The following ROCK1 variants were observed in gnomAD, a reference collection of about 807,000 sequenced individuals.
ROCK1 encodes Rho associated coiled-coil containing protein kinase 1.
In ROCK1, 36 loss-of-function variants were observed where a neutral mutation model predicts 196.8. The ratio of observed to expected loss-of-function variants is 0.18; its 90% confidence interval spans 0.14 to 0.24. The LOEUF (loss-of-function observed/expected upper bound fraction) is 0.24, where lower values mean the gene tolerates loss of function less well. Ranked by LOEUF, ROCK1 falls within the 10% of genes least tolerant of loss-of-function variation. The probability of loss-of-function intolerance (pLI) is 1.00; values close to 1 mark genes in which losing one functional copy is unlikely to be tolerated. For missense variants in ROCK1, 920 were observed against 1,562.0 expected (o/e 0.59, Z 6.93); for synonymous variants, 443 against 515.9 (o/e 0.86, Z 1.91).
Position 21,008,053 on chromosome 18 carries a change from A to G in ROCK1, c.1546+6T>C, listed in dbSNP as rs752443722. On this transcript the variant is annotated splice_donor_region_variant and intron_variant, in intron 14 of 32. Coordinates refer to ENST00000399799, the MANE Select transcript of ROCK1 (RefSeq NM_005406.3). ...CTATCATTTTTCAAAAGTAGTGACA[A>G]TTTACCTTCATTTTCTACATTTCTT... 22 of 1,583,948 alleles carry G rather than the reference A, an allele frequency of 1.4e-5. No homozygotes were observed. In the Admixed American group the frequency reaches 4.0e-4, roughly 29 times the overall value.
At chr18:21,107,309 GACATAC>G (rs1489288935) in intron 1 of ROCK1, among the ~76,000 whole-genome samples, 1 of 152,108 alleles carries the variant, frequency 6.6e-6, no homozygotes, top group African/African-American at 2.4e-5. Context: ...AGTTTAAAAG[GACATAC>G]ACCAGCAAAT....
At chr18:21,045,498 AT>A in intron 4 of ROCK1, 31 bp from the exon 5 acceptor site, 1 of 1,502,166 alleles carries the variant, frequency 6.7e-7, no homozygotes, top group Non-Finnish European at 8.9e-7. Context: ...AACAAAACAC[AT>A]TCATTAATGT....
At position 21,046,068 on chromosome 18, in the gene ROCK1, G is replaced by A. The variant is rs190836; in HGVS notation, c.415-601C>T. Among the ~76,000 whole-genome samples, 7 of 151,890 alleles carry A rather than the reference G, an allele frequency of 4.6e-5. No individual in the cohort carries two copies. In the East Asian group the frequency reaches 1.2e-3, roughly 25 times the overall value. ...TGGGACTACAGGCACCCGCTACCAC[G>A]CCCGGCTAATTTTTTGCATTTTTAG... is the stretch of plus-strand genomic sequence containing the variant. On this transcript the variant is annotated intron_variant, in intron 4 of 32. Coordinates refer to ENST00000399799, the MANE Select transcript of ROCK1 (RefSeq NM_005406.3).
chr18:21,056,106 T>A (rs1313641125), intron 2 of ROCK1, among the ~76,000 whole-genome samples: 8 of 152,144 alleles, frequency 5.3e-5, no homozygotes, highest in African/African-American at 1.9e-4. Flanking sequence ...TCTCTCAGAT[T>A]TCTTAACACT....
Position 20,967,091 on chromosome 18 carries a change from T to C in ROCK1, c.3193-15A>G. On this transcript the variant is annotated splice_polypyrimidine_tract_variant and intron_variant, in intron 26 of 32. Coordinates refer to ENST00000399799, the MANE Select transcript of ROCK1 (RefSeq NM_005406.3). ...TCTACCAATTGCTAATTTTGAAAAG[T>C]ATCAAGATAATATAATCAAGCTAAA... 7.6e-6 allele frequency: 12 copies of C among 1,573,152 alleles called. No homozygotes were observed. Among genetic ancestry groups the C allele is most frequent in the Non-Finnish European group, 1.0e-5 (12 of 1,147,724 alleles).
chr18:21,077,469 T>C (rs1201090921), intron 1 of ROCK1, among the ~76,000 whole-genome samples: 1 of 152,158 alleles, frequency 6.6e-6, no homozygotes, highest in African/African-American at 2.4e-5. Flanking sequence ...GAAAAGCAGC[T>C]GGTGCTGCTC....
chr18:21,022,023 G>A (rs907048266), intron 11 of ROCK1, among the ~76,000 whole-genome samples: 9 of 151,504 alleles, frequency 5.9e-5, no homozygotes, highest in South Asian at 2.1e-4. Flanking sequence ...CCTTTTCACC[G>A]CATGTTCTCT....
chr18:21,048,203 G>GC (rs2143515487), intron 4 of ROCK1, among the ~76,000 whole-genome samples: 1 of 152,262 alleles, frequency 6.6e-6, no homozygotes, highest in East Asian at 1.9e-4. Flanking sequence ...TCAGAGAAAG[G>GC]CCTATGGCAA....
chr18:21,028,688 G>T (rs2035981928), intron 10 of ROCK1, 88 bp downstream of exon 10: 2 of 1,138,400 alleles, frequency 1.8e-6, no homozygotes, highest in Admixed American at 2.6e-5. Flanking sequence ...TCTTTATATA[G>T]CATTAAATCT....
chr18:21,034,046 A>G (rs1355351135), intron 9 of ROCK1, among the ~76,000 whole-genome samples: 1 of 150,724 alleles, frequency 6.6e-6, no homozygotes, highest in East Asian at 1.9e-4. Flanking sequence ...AAAAAAAAAA[A>G]AAAATGAAAA....
At chr18:20,996,405 T>C (rs1044862065) in intron 16 of ROCK1, among the ~76,000 whole-genome samples, 1 of 152,100 alleles carries the variant, frequency 6.6e-6, no homozygotes, top group Non-Finnish European at 1.5e-5. Context: ...GAATGGAACA[T>C]GCATATAAGA....
intron 22 of ROCK1, among the ~76,000 whole-genome samples, chr18:20,978,570 T>C (rs904181290): frequency 1.3e-5 from 2 of 152,230 alleles, no homozygotes; most frequent in African/African-American, 4.8e-5. Flanking sequence ...AGTAACTACA[T>C]GTGGCTACTG....
intron 32 of ROCK1, among the ~76,000 whole-genome samples, chr18:20,952,690 G>C (rs1351140538): frequency 6.6e-6 from 1 of 151,480 alleles, no homozygotes; most frequent in African/African-American, 2.4e-5. Flanking sequence ...CTGGAGAATT[G>C]CTTGAACTTG....
Position 21,111,255 on chromosome 18 carries a change from TC to T in ROCK1, c.-346del. On this transcript the variant is annotated 5_prime_UTR_variant, in exon 1 of 33. Transcript: ENST00000399799. This position sits in a 1 kb window ranked among gnomAD's most constrained non-coding sequence, Gnocchi z 4.2. The stretch of plus-strand genomic sequence containing the variant: ...CGCCGTCGCCATGGAGGGGTCCCCG[TC>T]CCGAGATGGGCAGGAGCGGGTAGAG... 2.1e-6 allele frequency: 1 copy of T among 473,248 alleles called. No homozygotes were observed. Among genetic ancestry groups the T allele is most frequent in the Non-Finnish European group, 3.7e-6 (1 of 269,958 alleles). 29.3% of individuals were successfully genotyped at this position (473,248 alleles called of 1,614,324 possible). A position where few individuals can be genotyped will look rare whatever the true frequency, so the allele number is the denominator to read the frequency against.
At chr18:21,020,363 C>G (rs770127414) in intron 11 of ROCK1, 124 bp from the exon 12 acceptor site, 1 of 471,040 alleles carries the variant, frequency 2.1e-6, no homozygotes, top group African/African-American at 2.0e-5. Flanking sequence ...TTACCTCTTT[C>G]TATCTCAATT....
chr18:21,098,726 T>C (rs2036632666), intron 1 of ROCK1, among the ~76,000 whole-genome samples: 1 of 150,504 alleles, frequency 6.6e-6, no homozygotes, highest in Non-Finnish European at 1.5e-5. Context: ...AGAAAAACAA[T>C]TTAAAATGAA....
intron 29 of ROCK1, among the ~76,000 whole-genome samples, chr18:20,959,166 A>ATATAATATATATAATATTATC (rs2035299431): frequency 2.6e-5 from 2 of 78,328 alleles, no homozygotes; most frequent in Non-Finnish European, 4.5e-5. Context: ...ATTATATATT[A>ATATAATATATATAATATTATC]TATAATATAT....
chr18:21,049,205 C>T lies in ROCK1; in HGVS notation c.301G>A (p.Val101Ile). 3 of 1,605,036 alleles carry T rather than the reference C, an allele frequency of 1.9e-6. No individual in the cohort carries two copies. Among genetic ancestry groups the T allele is most frequent in the Non-Finnish European group, 1.7e-6 (2 of 1,175,182 alleles). ...QLVRHKSTRK[V>I]YAMKLLSKFE... The stretch of plus-strand genomic sequence containing the variant: ...TTGCTGAGAAGCTTCATAGCATATA[C>T]CTTCCTGGTGGATTTATGCCTTACC... The change falls in exon 4 of 33, where the codon GTA becomes ATA. Residue 101 changes from valine (V) to isoleucine (I), a missense_variant. Around this residue, in one of 6 missense-constraint regions of ROCK1, gnomAD observed 234 missense variants for 460.7 expected, o/e 0.51. Coordinates refer to ENST00000399799, the MANE Select transcript of ROCK1 (RefSeq NM_005406.3).
rs1221423550 is a variant in ROCK1, at chr18:20,970,381, T to C, written c.2787A>G (p.Gln929=). Residue 929 remains glutamine (Q), a synonymous_variant, in exon 23 of 33, where the codon CAA becomes CAG. Coordinates refer to ENST00000399799, the MANE Select transcript of ROCK1 (RefSeq NM_005406.3). ...CAGTGTGATCTTTATCTGTAATCTC[T>C]TGTCTATTTCTTGAAGCAGCTTTCT... ...ESKKAASRNR[Q]EITDKDHTVS... 6.2e-7 allele frequency: 1 copy of C among 1,613,928 alleles called. No individual in the cohort carries two copies. Among genetic ancestry groups the C allele is most frequent in the South Asian group, 1.1e-5 (1 of 91,070 alleles).
Sources: allele counts gnomAD v4.1 joint callset (sites outside exome capture counted in the v4.1 genomes callset), GRCh38; gene constraint gnomAD v4.1.1; regional missense constraint gnomAD v4.1.1; non-coding constraint Gnocchi (gnomAD v3.1); transcripts MANE v1.5; gene names NCBI Gene and HGNC (gene_info 2026-07-23, HGNC 2026-07-21).